Variants in QKI observed in about 807,000 individuals in gnomAD.
The protein encoded by QKI is QKI, KH domain containing RNA binding, also known as KH domain-containing RNA-binding protein QKI.
QKI carries 10 observed loss-of-function variants against 39.0 expected under a neutral mutation model. That is an observed-to-expected ratio of 0.26 (90% CI 0.16 to 0.43). The LOEUF (loss-of-function observed/expected upper bound fraction) is 0.43. Among genes scored for constraint, QKI ranks in the 20% least tolerant of loss-of-function variants. The probability of loss-of-function intolerance (pLI) is 1.00; values close to 1 mark genes in which losing one functional copy is unlikely to be tolerated. For missense variants in QKI, 218 were observed against 428.0 expected (o/e 0.51, Z 4.33); for synonymous variants, 204 against 155.4 (o/e 1.31, Z -2.33).
chr6:163,553,056 TTTAA>T lies in QKI; in HGVS notation c.547-8923_547-8920del, dbSNP rs1266546322. On this transcript the variant is annotated intron_variant, in intron 4 of 7. Coordinates refer to ENST00000361752, the MANE Select transcript of QKI (RefSeq NM_006775.3). ...CATAATTTTCAGGTTCTTTTTTTTT[TTTAA>T]TTTTTATTTATTTATTTATTTATTT... is the stretch of plus-strand genomic sequence containing the variant. Among the ~76,000 whole-genome samples, 453 of 147,000 alleles carry T rather than the reference TTTAA, an allele frequency of 3.1e-3. 1 individual carries two copies. Among genetic ancestry groups the T allele is most frequent in the Non-Finnish European group, 4.6e-3 (307 of 66,644 alleles).
chr6:163,543,686 G>T (rs1170014349), intron 4 of QKI, among the ~76,000 whole-genome samples: 1 of 152,040 alleles, frequency 6.6e-6, no homozygotes, highest in Non-Finnish European at 1.5e-5. Flanking sequence ...AGGCAAAACT[G>T]TATAGAAGGC....
chr6:163,463,315 T>C (rs749316834), intron 2 of QKI, among the ~76,000 whole-genome samples: 1 of 152,248 alleles, frequency 6.6e-6, no homozygotes, highest in Non-Finnish European at 1.5e-5. Flanking sequence ...TAACCTCACA[T>C]GTATTAGATG....
chr6:163,457,301 T>C (rs1173574113), intron 2 of QKI: 1 of 455,758 alleles, frequency 2.2e-6, no homozygotes, highest in African/African-American at 2.0e-5. Flanking sequence ...TTAAAAGACA[T>C]GGGTTTCATA....
chr6:163,437,657 T>G (rs1789419665), intron 1 of QKI, among the ~76,000 whole-genome samples: 1 of 152,194 alleles, frequency 6.6e-6, no homozygotes, highest in African/African-American at 2.4e-5. Context: ...TGTTTCACAT[T>G]GAGGGTTTCA....
chr6:163,447,738 C>T (rs887930286), intron 1 of QKI, among the ~76,000 whole-genome samples: 1 of 152,132 alleles, frequency 6.6e-6, no homozygotes, highest in Non-Finnish European at 1.5e-5. Flanking sequence ...TAAAAAATAA[C>T]TAGATCGCTT....
At chr6:163,534,924 A>G in intron 3 of QKI, 58 bp from the exon 4 acceptor site, 1 of 1,345,720 alleles carries the variant, frequency 7.4e-7, no homozygotes, top group South Asian at 1.6e-5. Flanking sequence ...GTATTATGAA[A>G]GATGTGCTCT....
chr6:163,476,473 C>T (rs945658511), intron 2 of QKI, among the ~76,000 whole-genome samples: 14 of 152,012 alleles, frequency 9.2e-5, no homozygotes, highest in African/African-American at 2.4e-4. Flanking sequence ...CAGAGCTGTC[C>T]GCTGCCAACC....
Position 163,574,921 on chromosome 6 carries a change from A to G in QKI, c.*4211A>G, listed in dbSNP as rs549409065. 3.3e-5 allele frequency: 5 copies of G among 152,362 alleles called. No homozygotes were observed. Among genetic ancestry groups the G allele is most frequent in the East Asian group, 3.9e-4 (2 of 5,188 alleles). 9.4% of individuals were successfully genotyped at this position (152,362 alleles called of 1,614,324 possible). Reference sequence around the variant, plus strand: ...AACTGTACCAATACGCTGTTAACCAATCAGACTGTCCAGGTATTCTCATTT... The same window carrying G: ...AACTGTACCAATACGCTGTTAACCAGTCAGACTGTCCAGGTATTCTCATTT... On this transcript the variant is annotated 3_prime_UTR_variant, in exon 8 of 8. Transcript: ENST00000361752.
At chr6:163,423,455 A>C (rs1189433191) in intron 1 of QKI, 1 of 152,242 alleles carries the variant, frequency 6.6e-6, no homozygotes, top group African/African-American at 2.4e-5. Flanking sequence ...ACAAGTGGGC[A>C]GCAGAGCTAG....
At chr6:163,464,198 C>T (rs1037785261) in intron 2 of QKI, among the ~76,000 whole-genome samples, 25 of 151,670 alleles carry the variant, frequency 1.6e-4, no homozygotes, top group South Asian at 2.1e-4. Flanking sequence ...TGATATCTCG[C>T]GCAATACATA....
At chr6:163,470,642 C>T (rs1336804582) in intron 2 of QKI, among the ~76,000 whole-genome samples, 1 of 152,024 alleles carries the variant, frequency 6.6e-6, no homozygotes, top group African/African-American at 2.4e-5. Flanking sequence ...CAGACCCAGA[C>T]TTTATAAGAT....
At chr6:163,442,630 A>G (rs1001202466) in intron 1 of QKI, among the ~76,000 whole-genome samples, 48 of 152,172 alleles carry the variant, frequency 3.2e-4, no homozygotes, top group African/African-American at 1.1e-3. Context: ...TTGAGTACAC[A>G]GTATTTGCTA....
chr6:163,566,628 A>G, intron 6 of QKI, 93 bp from the exon 7 acceptor site: 2 of 1,553,588 alleles, frequency 1.3e-6, no homozygotes, highest in Admixed American at 2.0e-5. Context: ...GTAAATGAAC[A>G]TTTGAAATCC....
intron 3 of QKI, among the ~76,000 whole-genome samples, chr6:163,510,592 C>T (rs1425718890): frequency 6.6e-6 from 1 of 151,884 alleles, no homozygotes. Context: ...CAGAGAAATA[C>T]TAGACACAGG....
intron 3 of QKI, among the ~76,000 whole-genome samples, chr6:163,504,262 C>A (rs987772945): frequency 2.0e-5 from 3 of 151,970 alleles, no homozygotes; most frequent in Non-Finnish European, 4.4e-5. Context: ...TTACTGTAGC[C>A]TTGTATTATA....
In QKI at chr6:163,561,893, ATACT is replaced by A. The variant is rs892184201; in HGVS notation, c.547-83_547-80del. ...TAAAACAGGTGACTGTAGTCACATG[ATACT>A]TACTTTAAGGCTTGTGTGTAGATAT... On this transcript the variant is annotated intron_variant, in intron 4 of 7. Transcript: ENST00000361752. 7.9e-5 allele frequency: 77 copies of A among 973,010 alleles called. No homozygotes were observed. In the African/African-American group the frequency reaches 1.0e-3, roughly 13 times the overall value. The allele number at this position is 973,010 out of a possible 1,614,324, so 60.3% of individuals were successfully genotyped here. A position where few individuals can be genotyped will look rare whatever the true frequency, so the allele number is the denominator to read the frequency against.
At chr6:163,494,352 A>C (rs1778262273) in intron 3 of QKI, among the ~76,000 whole-genome samples, 1 of 152,222 alleles carries the variant, frequency 6.6e-6, no homozygotes, top group Admixed American at 6.5e-5. Flanking sequence ...GACCAATCCC[A>C]CAGGGATACT....
chr6:163,556,096 A>G (rs1490991925), intron 4 of QKI, among the ~76,000 whole-genome samples: 5 of 152,204 alleles, frequency 3.3e-5, no homozygotes, highest in Admixed American at 1.3e-4. Context: ...AATACCACAC[A>G]TTTGTTAGGA....
At chr6:163,482,279 C>G (rs373562028) in intron 3 of QKI, among the ~76,000 whole-genome samples, 16 of 152,342 alleles carry the variant, frequency 1.1e-4, no homozygotes, top group African/African-American at 3.8e-4. Context: ...TAACTTCAGA[C>G]ATACTAGAAC....
Sources: gnomAD v4.1 joint callset for allele counts (sites outside exome capture counted in the v4.1 genomes callset) on GRCh38, gnomAD v4.1.1 for gene constraint, MANE v1.5 for transcripts, NCBI Gene and HGNC (gene_info 2026-07-23, HGNC 2026-07-21) for gene names.